The following FAAH2 variants were observed in gnomAD, a reference collection of about 807,000 sequenced individuals.
FAAH2 encodes the protein fatty acid amide hydrolase 2.
A neutral mutation model predicts 36.9 loss-of-function variants in FAAH2; 60 were observed. The ratio of observed to expected loss-of-function variants is 1.63; its 90% confidence interval spans 1.32 to 2.02. The LOEUF is 2.02. Among genes scored for constraint, FAAH2 ranks in the 30% most tolerant of loss-of-function variants. The probability of loss-of-function intolerance (pLI) is 0.00; values close to 1 mark genes in which losing one functional copy is unlikely to be tolerated. For missense variants in FAAH2, 689 were observed against 397.5 expected, an observed-to-expected ratio of 1.73 and a Z score of -6.23; for synonymous variants, 214 against 143.8, an observed-to-expected ratio of 1.49 and a Z score of -3.49.
rs747397944 is a variant in FAAH2, at chrX:57,386,453, C to T, written c.996+5424C>T. On this transcript the variant is annotated intron_variant, in intron 7 of 10. Coordinates refer to ENST00000374900, the MANE Select transcript of FAAH2 (RefSeq NM_174912.4). ...GCAAAGCAAATTGGTACTTTCCTGG[C>T]GAGCTGGAGGATAAATGCAAAATTA... Among the ~76,000 whole-genome samples, 60 of 111,161 alleles carry T rather than the reference C, an allele frequency of 5.4e-4. 1 individual carries two copies. In the South Asian group the frequency reaches 0.017, roughly 31 times the overall value.
intron 10 of FAAH2, among the ~76,000 whole-genome samples, chrX:57,479,908 A>C (rs759369548): frequency 8.9e-6 from 1 of 111,929 alleles, no homozygotes; most frequent in Non-Finnish European, 1.9e-5. Flanking sequence ...AAATAGACGC[A>C]ATAAAAAATG....
At chrX:57,147,063 G>C in the FAAH2 span, among the ~76,000 whole-genome samples, 1 of 110,936 alleles carries the variant, frequency 9.0e-6, no homozygotes, top group Non-Finnish European at 1.9e-5. Flanking sequence ...TTGGTGTTAG[G>C]GTGATACTCA....
At chrX:57,381,097 T>G in intron 7 of FAAH2, 68 bp downstream of exon 7, 1 of 778,191 alleles carries the variant, frequency 1.3e-6, no homozygotes, top group Non-Finnish European at 1.9e-6. Flanking sequence ...AGCCCTTTAC[T>G]TCACTTACTG....
intron 2 of FAAH2, among the ~76,000 whole-genome samples, chrX:57,302,076 T>C (rs934309293): frequency 8.9e-6 from 1 of 111,793 alleles, no homozygotes; most frequent in Non-Finnish European, 1.9e-5. Flanking sequence ...TTGTCATGCA[T>C]TTCATCCAAT....
chrX:57,385,873 A>G (rs978330505), intron 7 of FAAH2, among the ~76,000 whole-genome samples: 2 of 103,645 alleles, frequency 1.9e-5, no homozygotes, highest in East Asian at 6.1e-4. Context: ...GCACCACTGC[A>G]CTCCAGCCTG....
intron 5 of FAAH2, among the ~76,000 whole-genome samples, chrX:57,366,811 G>A (rs1333226068): frequency 8.9e-6 from 1 of 112,369 alleles, no homozygotes; most frequent in Non-Finnish European, 1.9e-5. Context: ...AGCAGATAAG[G>A]GGGAGCTCAG....
chrX:57,165,715 AAG>A, the FAAH2 span, among the ~76,000 whole-genome samples: 2 of 111,177 alleles, frequency 1.8e-5, no homozygotes, highest in African/African-American at 6.5e-5. Context: ...TAAATAAAAA[AAG>A]AAAAAAAAGA....
intron 7 of FAAH2, among the ~76,000 whole-genome samples, chrX:57,404,291 A>C (rs1012787935): frequency 1.8e-5 from 2 of 112,265 alleles, no homozygotes; most frequent in Non-Finnish European, 3.8e-5. Context: ...TTTTTTCTTT[A>C]CTACTTCTAT....
At position 57,291,557 on chromosome X, in the gene FAAH2, T is replaced by G. The variant is rs765793614; in HGVS notation, c.193-941T>G. On this transcript the variant is annotated intron_variant, in intron 1 of 10. Coordinates refer to ENST00000374900, the MANE Select transcript of FAAH2 (RefSeq NM_174912.4). The stretch of plus-strand genomic sequence containing the variant: ...CCCTCTGGCAGGGGAATTCAGTCCT[T>G]CACACTTATTATGTAATTGGTTTAA... Among the ~76,000 whole-genome samples, 7 of 112,216 alleles carry G rather than the reference T, an allele frequency of 6.2e-5. No individual in the cohort carries two copies. The South Asian group carries it at 2.5e-3, about 41-fold the overall frequency.
At chrX:57,190,223 G>A in the FAAH2 span, among the ~76,000 whole-genome samples, 1 of 109,835 alleles carries the variant, frequency 9.1e-6, no homozygotes, top group Non-Finnish European at 1.9e-5. Context: ...GCCTACTCAA[G>A]CCTCAGTAAT....
At chrX:57,221,966 C>CA in the FAAH2 span, among the ~76,000 whole-genome samples, 107 of 110,562 alleles carry the variant, frequency 9.7e-4, no homozygotes, top group African/African-American at 3.4e-3. Context: ...TAGCCCCTCT[C>CA]AAAAAAACTG....
At chrX:57,234,059 C>G in the FAAH2 span, among the ~76,000 whole-genome samples, 1 of 112,857 alleles carries the variant, frequency 8.9e-6, no homozygotes, top group East Asian at 2.8e-4. Context: ...ATGTTTACTT[C>G]ATGCATATTT....
intron 1 of FAAH2, among the ~76,000 whole-genome samples, chrX:57,289,596 TTCAGATTTTTGAAACGTGTGC>T (rs2051916917): frequency 9.0e-6 from 1 of 111,251 alleles, no homozygotes; most frequent in South Asian, 3.8e-4. Context: ...CTTTTTTACT[TTCAGATTTTTGAAACGTGTGC>T]TCATGTTACC....
intron 10 of FAAH2, among the ~76,000 whole-genome samples, chrX:57,487,297 A>T (rs1449713995): frequency 2.0e-4 from 16 of 80,543 alleles, no homozygotes; most frequent in African/African-American, 5.3e-4. Flanking sequence ...TGCCAAAATT[A>T]AAAAAAAAAA....
chrX:57,415,320 G>A (rs1011257551), intron 7 of FAAH2, among the ~76,000 whole-genome samples: 7 of 111,433 alleles, frequency 6.3e-5, no homozygotes, highest in Non-Finnish European at 1.1e-4. Context: ...TGATGTTAGG[G>A]TGTCGATTTT....
At chrX:57,222,988 G>A in the FAAH2 span, among the ~76,000 whole-genome samples, 18 of 111,652 alleles carry the variant, frequency 1.6e-4, no homozygotes, top group Non-Finnish European at 2.8e-4. Context: ...TGAACTCGTC[G>A]CTCTTCCTCA....
chrX:57,458,237 C>A (rs1265269850), intron 10 of FAAH2, among the ~76,000 whole-genome samples: 2 of 111,918 alleles, frequency 1.8e-5, no homozygotes, highest in Non-Finnish European at 3.8e-5. Flanking sequence ...AATAGTTTGC[C>A]TGCCGTATGC....
At chrX:57,122,589 G>C in the FAAH2 span, among the ~76,000 whole-genome samples, 1 of 112,280 alleles carries the variant, frequency 8.9e-6, no homozygotes, top group Non-Finnish European at 1.9e-5. Flanking sequence ...TTTTGAGAAA[G>C]GTTGTATACT....
chrX:57,245,813 C>G, the FAAH2 span, among the ~76,000 whole-genome samples: 5 of 111,420 alleles, frequency 4.5e-5, no homozygotes, highest in Admixed American at 1.9e-4. Context: ...CACAATTAAA[C>G]GATCTAGAGA....
Sources: allele counts gnomAD v4.1 joint callset (sites outside exome capture counted in the v4.1 genomes callset), GRCh38; gene constraint gnomAD v4.1.1; transcripts MANE v1.5; gene names NCBI Gene and HGNC (gene_info 2026-07-23, HGNC 2026-07-21).